Variants in GREB1L observed in about 807,000 individuals in gnomAD.
GREB1L encodes GREB1-like protein.
GREB1L carries 17 observed loss-of-function variants against 200.8 expected under a neutral mutation model. The ratio of observed to expected loss-of-function variants is 0.08; its 90% CI spans 0.06 to 0.13. GREB1L has a LOEUF of 0.13. Ranked by LOEUF, GREB1L falls within the 10% of genes least tolerant of loss-of-function variation. The pLI is 1.00. For missense variants in GREB1L, 1,657 were observed against 2,367.7 expected (o/e 0.70, Z 6.23); for synonymous variants, 789 against 893.0 (o/e 0.88, Z 2.08).
At chr18:21,379,071 T>C (rs1216512634) in intron 2 of GREB1L, among the ~76,000 whole-genome samples, 4 of 152,168 alleles carry the variant, frequency 2.6e-5, no homozygotes, top group Admixed American at 2.0e-4. Flanking sequence ...TATTTATCTG[T>C]TGTTTATATA....
chr18:21,512,165 C>T (rs2037264142), intron 27 of GREB1L, among the ~76,000 whole-genome samples: 1 of 152,118 alleles, frequency 6.6e-6, no homozygotes, highest in African/African-American at 2.4e-5. Flanking sequence ...ATTGTTTTGG[C>T]TATTTGGGGT....
intron 1 of GREB1L, among the ~76,000 whole-genome samples, chr18:21,305,022 A>G (rs2144730664): frequency 6.6e-6 from 1 of 150,614 alleles, no homozygotes; most frequent in East Asian, 1.9e-4. Flanking sequence ...CTCTGTTGCC[A>G]GGCTGGAGTG....
chr18:21,251,138 A>C (rs2037696139), intron 1 of GREB1L, among the ~76,000 whole-genome samples: 1 of 152,154 alleles, frequency 6.6e-6, no homozygotes, highest in African/African-American at 2.4e-5. Context: ...GGGCAATGTA[A>C]TGAGGCTCTA....
chr18:21,491,104 G>T (rs2036315739), intron 19 of GREB1L, among the ~76,000 whole-genome samples: 1 of 152,038 alleles, frequency 6.6e-6, no homozygotes. Flanking sequence ...GGTTTTTCTG[G>T]GCCTGTAATC....
At chr18:21,395,111 AAAAAAAAAAAAG>A (rs1271587716) in intron 4 of GREB1L, among the ~76,000 whole-genome samples, 18 of 150,676 alleles carry the variant, frequency 1.2e-4, no homozygotes, top group African/African-American at 3.7e-4. Context: ...ATCTCAAAAA[AAAAAAAAAAAAG>A]AAAAAAAAAA....
At chr18:21,428,910 G>C (rs911475001) in intron 7 of GREB1L, among the ~76,000 whole-genome samples, 10 of 151,786 alleles carry the variant, frequency 6.6e-5, no homozygotes, top group African/African-American at 2.4e-4. Context: ...TAGAGGTGGG[G>C]TTTCACCATG....
chr18:21,434,539 A>ATATG (rs1568007784), intron 7 of GREB1L, among the ~76,000 whole-genome samples: 1 of 132,328 alleles, frequency 7.6e-6, no homozygotes, highest in Non-Finnish European at 1.5e-5. Flanking sequence ...GTGTATATAT[A>ATATG]TGTGTATATA....
intron 1 of GREB1L, among the ~76,000 whole-genome samples, chr18:21,328,177 G>GCC (rs11420175): frequency 6.7e-5 from 10 of 150,168 alleles, no homozygotes; most frequent in African/African-American, 2.2e-4. Flanking sequence ...CAGTGCCATT[G>GCC]CCCCCCCCCG....
intron 27 of GREB1L, among the ~76,000 whole-genome samples, 185 bp from the exon 28 acceptor site, chr18:21,513,636 A>G (rs1199062655): frequency 6.6e-6 from 1 of 152,210 alleles, no homozygotes; most frequent in East Asian, 1.9e-4. Context: ...AAGAATCTAC[A>G]TTTAAAAGTG....
intron 10 of GREB1L, among the ~76,000 whole-genome samples, chr18:21,443,554 G>T (rs113020966): frequency 6.6e-6 from 1 of 152,218 alleles, no homozygotes; most frequent in African/African-American, 2.4e-5. Context: ...AAATAAACTT[G>T]ATCAGGGACT....
chr18:21,340,124 GA>G (rs1249534847), intron 1 of GREB1L, among the ~76,000 whole-genome samples: 2 of 152,146 alleles, frequency 1.3e-5, no homozygotes, highest in Non-Finnish European at 2.9e-5. Context: ...CAGCACAATA[GA>G]AAAACATTGG....
chr18:21,405,432 T>C (rs1452919899), intron 7 of GREB1L, among the ~76,000 whole-genome samples: 1 of 152,214 alleles, frequency 6.6e-6, no homozygotes, highest in African/African-American at 2.4e-5. Context: ...TATCAAGTGT[T>C]TATTTCGTTT....
chr18:21,340,283 G>A (rs1489128048), intron 1 of GREB1L, among the ~76,000 whole-genome samples: 1 of 151,986 alleles, frequency 6.6e-6, no homozygotes, highest in African/African-American at 2.4e-5. Flanking sequence ...AGCCGGGCAT[G>A]GTGGTGGGCA....
intron 1 of GREB1L, among the ~76,000 whole-genome samples, chr18:21,313,314 T>G (rs1399193231): frequency 7.9e-5 from 12 of 152,192 alleles, no homozygotes; most frequent in Non-Finnish European, 1.8e-4. Flanking sequence ...AAGTCCATTT[T>G]GGGTGCTTTA....
intron 1 of GREB1L, among the ~76,000 whole-genome samples, chr18:21,304,222 ATAT>A (rs35203034): frequency 0.18 from 27,061 of 148,670 alleles, 5,744 homozygotes; most frequent in African/African-American, 0.52. Context: ...AGTTAAGCCC[ATAT>A]TATTATTATT....
intron 18 of GREB1L, among the ~76,000 whole-genome samples, chr18:21,487,490 T>C (rs1406044132): frequency 6.6e-6 from 1 of 152,222 alleles, no homozygotes; most frequent in Non-Finnish European, 1.5e-5. Context: ...AGCCTAATAG[T>C]AGCTATGACT....
intron 1 of GREB1L, among the ~76,000 whole-genome samples, chr18:21,334,066 C>G (rs553135067): frequency 3.2e-4 from 49 of 152,092 alleles, no homozygotes; most frequent in African/African-American, 1.2e-3. Flanking sequence ...CCCAACATTG[C>G]TATTGTGAAA....
At chr18:21,508,339 T>G in intron 26 of GREB1L, 48 bp from the exon 27 acceptor site, 1 of 1,549,528 alleles carries the variant, frequency 6.5e-7, no homozygotes, top group Non-Finnish European at 8.7e-7. Flanking sequence ...GTCTTCAATC[T>G]AGAGGCTTTA....
At chr18:21,343,429 A>C (rs1390344823) in intron 1 of GREB1L, among the ~76,000 whole-genome samples, 3 of 152,208 alleles carry the variant, frequency 2.0e-5, no homozygotes, top group Non-Finnish European at 4.4e-5. Flanking sequence ...CACAGAGCCC[A>C]TGTATTATTG....
Sources: gnomAD v4.1 joint callset for allele counts (sites outside exome capture counted in the v4.1 genomes callset) on GRCh38, gnomAD v4.1.1 for gene constraint, MANE v1.5 for transcripts, NCBI Gene and HGNC (gene_info 2026-07-23, HGNC 2026-07-21) for gene names.